The following AGPS variants were observed in gnomAD, a reference collection of about 807,000 sequenced individuals.
The protein encoded by AGPS is alkyldihydroxyacetonephosphate synthase, peroxisomal.
Under a neutral mutation model 90.7 loss-of-function variants are expected in AGPS, and 26 were observed. That is an observed-to-expected ratio of 0.29 (90% confidence interval 0.21 to 0.40). The LOEUF is 0.40. Ranked by LOEUF, AGPS falls within the 10% of genes least tolerant of loss-of-function variation. The pLI is 1.00. For missense variants in AGPS, 540 were observed against 816.1 expected (o/e 0.66, Z 4.12); for synonymous variants, 294 against 285.3 (o/e 1.03, Z -0.31).
chr2:177,497,738 C>T lies in AGPS; in HGVS notation c.1335C>T (p.Asp445=), dbSNP rs200039061. The T allele has an allele frequency of 2.7e-5, 42 of 1,575,288 alleles. No homozygotes were observed. The highest frequency in any genetic ancestry group is 1.7e-4 in the Middle Eastern group (1 of 5,866). ...CCTCTATTTTTACATCATTTTTGGA[C>T]GGATTAAAAAAGTTTTATATTACAA... The part of the protein sequence containing the change: ...QVSSIFTSFL[D]GLKKFYITKF... The change falls in exon 13 of 20, where the codon GAC becomes GAT. Residue 445 remains aspartate, a synonymous_variant. Transcript: ENST00000264167.
intron 1 of AGPS, among the ~76,000 whole-genome samples, chr2:177,402,082 T>C (rs1685348671): frequency 6.6e-6 from 1 of 152,194 alleles, no homozygotes; most frequent in African/African-American, 2.4e-5. Context: ...AAATTAAACA[T>C]AGTAAATAAG....
intron 8 of AGPS, among the ~76,000 whole-genome samples, chr2:177,461,394 C>T (rs753684246): frequency 2.0e-5 from 3 of 152,202 alleles, no homozygotes; most frequent in South Asian, 2.1e-4. Context: ...AAACACATGA[C>T]TCCTTGAGAG....
At chr2:177,491,269 G>T (rs6725331) in intron 11 of AGPS, among the ~76,000 whole-genome samples, 130,495 of 151,206 alleles carry the variant, frequency 0.86, 56,504 homozygotes, top group East Asian at 0.95. Context: ...AAATCAGTAG[G>T]AATTTTTTTT....
chr2:177,474,492 T>G (rs1687720236), intron 10 of AGPS, among the ~76,000 whole-genome samples: 1 of 152,198 alleles, frequency 6.6e-6, no homozygotes, highest in Non-Finnish European at 1.5e-5. Context: ...ACATTCCTGG[T>G]GACTGTACCC....
intron 2 of AGPS, among the ~76,000 whole-genome samples, chr2:177,426,238 AT>A (rs1686075676): frequency 6.6e-6 from 1 of 152,158 alleles, no homozygotes; most frequent in East Asian, 1.9e-4. Flanking sequence ...TTGCACATTG[AT>A]TTTGTATCCT....
chr2:177,468,634 A>G, intron 10 of AGPS, 110 bp downstream of exon 10: 1 of 771,658 alleles, frequency 1.3e-6, no homozygotes, highest in Middle Eastern at 3.8e-4. Context: ...TTATATGTTT[A>G]AGGAATTTTT....
Position 177,392,978 on chromosome 2 carries a change from CGCGTCGGCGGCCACGGCA to C in AGPS, c.193_210del (p.Ser65_Ala70del). 1 of 1,549,988 alleles carries C rather than the reference CGCGTCGGCGGCCACGGCA, an allele frequency of 6.5e-7. No homozygotes were observed. Among genetic ancestry groups the C allele is most frequent in the Non-Finnish European group, 8.7e-7 (1 of 1,146,612 alleles). On this transcript the variant is annotated inframe_deletion, in exon 1 of 20. Coordinates refer to ENST00000264167, the MANE Select transcript of AGPS (RefSeq NM_003659.4). ...CCAATGAGTGCAAAGCGCGGAGAGC[CGCGTCGGCGGCCACGGCA>C]GCGCCCACGGCCACTCCCGCCGCGC... is the stretch of plus-strand genomic sequence containing the variant.
At position 177,495,917 on chromosome 2, in the gene AGPS, C is replaced by CA. The variant is rs57571340; in HGVS notation, c.1286-1751dup. ...TGGGTGACACAGTGAGACTCTGTCT[C>CA]AAAAAAAAAAAAAAAAAAAAACAAA... On this transcript the variant is annotated intron_variant, in intron 12 of 19. Coordinates refer to ENST00000264167, the MANE Select transcript of AGPS (RefSeq NM_003659.4). Among the ~76,000 whole-genome samples the CA allele has an allele frequency of 1.7e-3, 158 of 93,112 alleles. 1 individual carries two copies. The highest frequency in any genetic ancestry group is 2.8e-3 in the African/African-American group (69 of 24,446). The allele number at this position is 93,112 out of a possible 152,430, so 61.1% of individuals were successfully genotyped here.
chr2:177,459,737 CA>C (rs1446684211), intron 8 of AGPS, among the ~76,000 whole-genome samples: 1 of 152,168 alleles, frequency 6.6e-6, no homozygotes, highest in Non-Finnish European at 1.5e-5. Flanking sequence ...TTAGTTCAAC[CA>C]TTGTGGAAGA....
intron 10 of AGPS, among the ~76,000 whole-genome samples, chr2:177,480,308 C>G: frequency 6.6e-6 from 1 of 151,916 alleles, no homozygotes; most frequent in Non-Finnish European, 1.5e-5. Context: ...TTCACAATAG[C>G]AAAGACTTGG....
intron 3 of AGPS, among the ~76,000 whole-genome samples, chr2:177,434,997 GTATATATATA>G (rs1553509324): frequency 7.0e-5 from 9 of 128,130 alleles, no homozygotes; most frequent in East Asian, 2.2e-4. Context: ...TAAACTGTAG[GTATATATATA>G]TATATATATA....
intron 1 of AGPS, among the ~76,000 whole-genome samples, chr2:177,415,460 G>A (rs1193475618): frequency 6.6e-6 from 1 of 152,080 alleles, no homozygotes; most frequent in African/African-American, 2.4e-5. Context: ...TCATATTTAA[G>A]CCACTTTGCA....
chr2:177,541,861 G>A lies in AGPS; in HGVS notation c.*3666G>A, dbSNP rs914135671. ...ATATTGATGCTTAAATCCAGAAAGT[G>A]TAAAAGGTTTTCTTAAACTGTTAAA... is the stretch of plus-strand genomic sequence containing the variant. On this transcript the variant is annotated 3_prime_UTR_variant, in exon 20 of 20. Coordinates refer to ENST00000264167, the MANE Select transcript of AGPS (RefSeq NM_003659.4). The A allele has an allele frequency of 6.6e-6, 1 of 152,140 alleles. No homozygotes were observed. Among genetic ancestry groups the A allele is most frequent in the Non-Finnish European group, 1.5e-5 (1 of 68,006 alleles). 9.4% of individuals were successfully genotyped at this position (152,140 alleles called of 1,614,324 possible). A position where few individuals can be genotyped will look rare whatever the true frequency, so the allele number is the denominator to read the frequency against.
chr2:177,458,832 T>C (rs1022488208), intron 8 of AGPS, among the ~76,000 whole-genome samples: 5 of 152,082 alleles, frequency 3.3e-5, no homozygotes, highest in Admixed American at 3.3e-4. Flanking sequence ...TACTTTAAAC[T>C]TCATATGGAA....
intron 8 of AGPS, among the ~76,000 whole-genome samples, chr2:177,459,297 C>T (rs975452577): frequency 1.3e-5 from 2 of 152,274 alleles, no homozygotes; most frequent in Admixed American, 1.3e-4. Context: ...AAAGCAATGG[C>T]AACAAAAGCC....
At chr2:177,519,406 G>A (rs1044851915) in intron 17 of AGPS, among the ~76,000 whole-genome samples, 9 of 152,058 alleles carry the variant, frequency 5.9e-5, no homozygotes, top group Non-Finnish European at 1.3e-4. Flanking sequence ...TTTTTAAGCT[G>A]CATAAGCTAA....
chr2:177,469,257 G>A (rs1467681918), intron 10 of AGPS, among the ~76,000 whole-genome samples: 1 of 151,292 alleles, frequency 6.6e-6, no homozygotes, highest in Non-Finnish European at 1.5e-5. Flanking sequence ...CATTAACAGA[G>A]GAGCTCATTA....
chr2:177,429,516 CTGT>C (rs1225730186), intron 2 of AGPS, among the ~76,000 whole-genome samples: 1 of 151,892 alleles, frequency 6.6e-6, no homozygotes, highest in Non-Finnish European at 1.5e-5. Flanking sequence ...TTTTTTGATG[CTGT>C]TGTTGTTGCT....
intron 3 of AGPS, among the ~76,000 whole-genome samples, chr2:177,435,604 T>C (rs972442772): frequency 2.6e-5 from 4 of 152,160 alleles, no homozygotes; most frequent in Non-Finnish European, 4.4e-5. Flanking sequence ...CTCACTGTTG[T>C]ATCAAGACCT....
Sources: allele counts gnomAD v4.1 joint callset (sites outside exome capture counted in the v4.1 genomes callset), GRCh38; gene constraint gnomAD v4.1.1; transcripts MANE v1.5; gene names NCBI Gene and HGNC (gene_info 2026-07-23, HGNC 2026-07-21).